The following AP3S1 variants were observed in gnomAD, a reference collection of about 807,000 sequenced individuals.
AP3S1 encodes AP-3 complex subunit sigma-1.
A neutral mutation model predicts 21.3 loss-of-function variants in AP3S1; 12 were observed. The observed-to-expected ratio is 0.56, with a 90% CI of 0.36 to 0.91. The LOEUF (loss-of-function observed/expected upper bound fraction) is 0.91, where lower values mean the gene tolerates loss of function less well. Ranked by LOEUF, AP3S1 falls within the 40% of genes least tolerant of loss-of-function variation. AP3S1 has a pLI of 0.01. For synonymous variants in AP3S1, 48 were observed against 78.4 expected (o/e 0.61, Z 2.05); for missense variants, 116 against 225.0 (o/e 0.52, Z 3.10).
At position 115,882,335 on chromosome 5, in the gene AP3S1, G is replaced by T. The variant is rs1561504399; in HGVS notation, c.273+12207G>T. Among the ~76,000 whole-genome samples the T allele has an allele frequency of 2.0e-5, 3 of 152,118 alleles. No individual in the cohort carries two copies. In the South Asian group the frequency reaches 6.2e-4, roughly 32 times the overall value. ...GCACTGGTTTTTCCTCATCTTTGTGGATTTATCTACCTTTGGCCTTTGGTG... is the reference window on the plus strand; with the variant it reads ...GCACTGGTTTTTCCTCATCTTTGTGTATTTATCTACCTTTGGCCTTTGGTG... On this transcript the variant is annotated intron_variant, in intron 3 of 5. Transcript: ENST00000316788.
At chr5:115,846,152 C>T (rs139673797) in intron 1 of AP3S1, among the ~76,000 whole-genome samples, 1 of 152,134 alleles carries the variant, frequency 6.6e-6, no homozygotes, top group African/African-American at 2.4e-5. Flanking sequence ...CATAGTGTAT[C>T]CTCTGGTGAA....
intron 1 of AP3S1, among the ~76,000 whole-genome samples, chr5:115,865,200 C>G (rs1002116574): frequency 6.6e-6 from 1 of 151,924 alleles, no homozygotes; most frequent in African/African-American, 2.4e-5. Context: ...AACATGAAGA[C>G]AAAGAGGAAG....
chr5:115,907,061 T>C (rs143982302), intron 5 of AP3S1: 3 of 905,004 alleles, frequency 3.3e-6, no homozygotes, highest in Admixed American at 6.2e-5. Context: ...TAGTATATCA[T>C]TGATGTCATG....
At chr5:115,861,463 T>A (rs1763174611) in intron 1 of AP3S1, among the ~76,000 whole-genome samples, 1 of 152,224 alleles carries the variant, frequency 6.6e-6, no homozygotes, top group African/African-American at 2.4e-5. Flanking sequence ...GTAACACGGC[T>A]TGCACATCTT....
chr5:115,843,338 A>G (rs537271916), intron 1 of AP3S1, among the ~76,000 whole-genome samples: 11 of 152,388 alleles, frequency 7.2e-5, no homozygotes, highest in African/African-American at 2.6e-4. Context: ...ATGATAATGC[A>G]GTCTGGAGGT....
chr5:115,896,533 G>A (rs1477468812), intron 4 of AP3S1, among the ~76,000 whole-genome samples: 1 of 152,136 alleles, frequency 6.6e-6, no homozygotes, highest in Non-Finnish European at 1.5e-5. Context: ...AATCCCAGCA[G>A]TTTGGGAGGC....
chr5:115,856,330 A>G (rs772634589), intron 1 of AP3S1, among the ~76,000 whole-genome samples: 4 of 152,000 alleles, frequency 2.6e-5, no homozygotes, highest in Middle Eastern at 3.4e-3. Flanking sequence ...TTCATTTTTA[A>G]TTGATATAAT....
intron 4 of AP3S1, among the ~76,000 whole-genome samples, chr5:115,900,918 C>A (rs766010858): frequency 6.6e-6 from 1 of 152,158 alleles, no homozygotes; most frequent in Non-Finnish European, 1.5e-5. Flanking sequence ...CTGGCTTTCT[C>A]GTTTTCCATA....
At chr5:115,907,139 A>C (rs1415702085) in intron 5 of AP3S1, 1 of 345,668 alleles carries the variant, frequency 2.9e-6, no homozygotes, top group Non-Finnish European at 4.1e-6. Context: ...CTTGTCATCT[A>C]ACTGACAAAT....
intron 1 of AP3S1, among the ~76,000 whole-genome samples, chr5:115,845,693 G>A (rs1762004337): frequency 6.6e-6 from 1 of 151,574 alleles, no homozygotes; most frequent in Non-Finnish European, 1.5e-5. Flanking sequence ...AATTAGCCAG[G>A]CATGGTAGCG....
At chr5:115,849,932 G>C (rs1033231026) in intron 1 of AP3S1, among the ~76,000 whole-genome samples, 1 of 152,044 alleles carries the variant, frequency 6.6e-6, no homozygotes, top group African/African-American at 2.4e-5. Flanking sequence ...AAAAACATGA[G>C]TGCTCCAGTT....
In AP3S1 at chr5:115,841,949, G is replaced by C; in HGVS notation, c.-89G>C. 1 of 1,524,370 alleles carries C rather than the reference G, an allele frequency of 6.6e-7. No individual in the cohort carries two copies. Among genetic ancestry groups the C allele is most frequent in the African/African-American group, 1.4e-5 (1 of 71,930 alleles). 94.4% of individuals were successfully genotyped at this position (1,524,370 alleles called of 1,614,324 possible). A position where few individuals can be genotyped will look rare whatever the true frequency, so the allele number is the denominator to read the frequency against. ...TCGCGTGCGGGAGGGGGCGGGTGGGGAAGGATCGCAGGCGAGATTACGAGG... is the reference window on the plus strand; with the variant it reads ...TCGCGTGCGGGAGGGGGCGGGTGGGCAAGGATCGCAGGCGAGATTACGAGG... On this transcript the variant is annotated 5_prime_UTR_variant, in exon 1 of 6. Coordinates refer to ENST00000316788, the MANE Select transcript of AP3S1 (RefSeq NM_001284.4).
At chr5:115,891,893 A>T (rs951897424) in intron 3 of AP3S1, among the ~76,000 whole-genome samples, 2 of 152,206 alleles carry the variant, frequency 1.3e-5, no homozygotes, top group Non-Finnish European at 2.9e-5. Flanking sequence ...AGTGACCTGG[A>T]TGTGAGACAT....
chr5:115,868,098 T>G (rs1452542191), intron 2 of AP3S1, among the ~76,000 whole-genome samples: 1 of 152,208 alleles, frequency 6.6e-6, no homozygotes, highest in African/African-American at 2.4e-5. Flanking sequence ...TGGTTTTATA[T>G]GATGTATTAC....
At chr5:115,851,279 G>A (rs1762420116) in intron 1 of AP3S1, among the ~76,000 whole-genome samples, 2 of 152,278 alleles carry the variant, frequency 1.3e-5, no homozygotes, top group Middle Eastern at 6.8e-3. Context: ...GAATAATGCT[G>A]TGAACATAGA....
At chr5:115,909,254 C>T (rs755535323) in intron 5 of AP3S1, among the ~76,000 whole-genome samples, 9 of 152,120 alleles carry the variant, frequency 5.9e-5, no homozygotes, top group Non-Finnish European at 1.2e-4. Context: ...TTTAGTAATG[C>T]TGCTTTTTCA....
intron 4 of AP3S1, among the ~76,000 whole-genome samples, chr5:115,900,713 G>A (rs1044805852): frequency 2.6e-5 from 4 of 152,166 alleles, no homozygotes; most frequent in South Asian, 2.1e-4. Flanking sequence ...AGAGAATGAT[G>A]TTTAGAAATG....
intron 1 of AP3S1, 123 bp downstream of exon 1, chr5:115,842,229 C>T (rs1761635906): frequency 2.2e-6 from 3 of 1,363,620 alleles, no homozygotes; most frequent in Non-Finnish European, 2.9e-6. Flanking sequence ...TCCCGGCCGC[C>T]TGGCGCTCGC....
chr5:115,894,523 T>A (rs558285821), intron 3 of AP3S1, among the ~76,000 whole-genome samples: 34 of 152,322 alleles, frequency 2.2e-4, no homozygotes, highest in African/African-American at 8.2e-4. Context: ...TTTATGGGAA[T>A]GTGCAGAGTT....
Sources: allele counts gnomAD v4.1 joint callset (sites outside exome capture counted in the v4.1 genomes callset), GRCh38; gene constraint gnomAD v4.1.1; transcripts MANE v1.5; gene names NCBI Gene and HGNC (gene_info 2026-07-23, HGNC 2026-07-21).